Variants in FAM171A1 observed in about 807,000 individuals in gnomAD.
FAM171A1 encodes protein FAM171A1.
A neutral mutation model predicts 74.9 loss-of-function variants in FAM171A1; 23 were observed. That is an observed-to-expected ratio of 0.31 (90% CI 0.22 to 0.44). FAM171A1 has a LOEUF of 0.44. FAM171A1 is among the 20% of genes least tolerant of loss of function. The pLI is 1.00. For synonymous variants in FAM171A1, 527 were observed against 505.7 expected (o/e 1.04, Z -0.57); for missense variants, 1,162 against 1,159.2 (o/e 1.00, Z -0.03).
At chr10:15,331,598 G>C (rs1258666882) in intron 1 of FAM171A1, among the ~76,000 whole-genome samples, 1 of 151,708 alleles carries the variant, frequency 6.6e-6, no homozygotes, top group Non-Finnish European at 1.5e-5. Flanking sequence ...CTTAGCTCTA[G>C]AAATACTCTT....
At chr10:15,299,771 G>A (rs1038067365) in intron 1 of FAM171A1, among the ~76,000 whole-genome samples, 13 of 152,032 alleles carry the variant, frequency 8.6e-5, no homozygotes, top group African/African-American at 3.1e-4. Context: ...GAGGTCAGGA[G>A]ATTGAGACCA....
At chr10:15,328,871 C>G (rs1224748949) in intron 1 of FAM171A1, among the ~76,000 whole-genome samples, 1 of 152,168 alleles carries the variant, frequency 6.6e-6, no homozygotes, top group Non-Finnish European at 1.5e-5. Context: ...GTATGGACAT[C>G]AGAAACCTCG....
At chr10:15,275,804 A>G in intron 3 of FAM171A1, 51 bp downstream of exon 3, 1 of 1,215,462 alleles carries the variant, frequency 8.2e-7, no homozygotes, top group Non-Finnish European at 1.2e-6. Context: ...TGTATACAAT[A>G]ATGTATCCAT....
Position 15,230,813 on chromosome 10 carries a change from TGA to T in FAM171A1, c.755-9755_755-9754del, listed in dbSNP as rs1246666687. Among the ~76,000 whole-genome samples, 6 of 152,360 alleles carry T rather than the reference TGA, an allele frequency of 3.9e-5. No individual in the cohort carries two copies. The South Asian group carries it at 6.2e-4, about 16-fold the overall frequency. On this transcript the variant is annotated intron_variant, in intron 5 of 7. Transcript: ENST00000378116. ...ACATAATAGCATTAATAAAATTTAA[TGA>T]GAGACTTCTGAATTTACAATAGATA...
At chr10:15,339,968 T>C (rs976330531) in intron 1 of FAM171A1, among the ~76,000 whole-genome samples, 1 of 152,160 alleles carries the variant, frequency 6.6e-6, no homozygotes, top group African/African-American at 2.4e-5. Context: ...GTGAGACTTA[T>C]GCACTATCAT....
chr10:15,294,422 C>T (rs941353735), intron 1 of FAM171A1, among the ~76,000 whole-genome samples: 2 of 152,206 alleles, frequency 1.3e-5, no homozygotes, highest in South Asian at 2.1e-4. Context: ...TACACACTCT[C>T]ATCCATGAAT....
chr10:15,361,862 A>T (rs970913890), intron 1 of FAM171A1, among the ~76,000 whole-genome samples: 28 of 152,338 alleles, frequency 1.8e-4, no homozygotes, highest in Middle Eastern at 3.4e-3. Context: ...ATCTAAGAAA[A>T]TAAAAATGTT....
intron 6 of FAM171A1, among the ~76,000 whole-genome samples, chr10:15,216,440 T>C (rs1181494513): frequency 6.6e-6 from 1 of 152,136 alleles, no homozygotes; most frequent in Non-Finnish European, 1.5e-5. Context: ...TTTAATTTTT[T>C]TTTTTTTTGA....
chr10:15,286,581 C>T (rs1292711776), intron 1 of FAM171A1, among the ~76,000 whole-genome samples: 1 of 152,128 alleles, frequency 6.6e-6, no homozygotes, highest in Admixed American at 6.5e-5. Flanking sequence ...CGCGCCTGGC[C>T]TGAGTATTAA....
chr10:15,324,998 C>A (rs1013125752), intron 1 of FAM171A1, among the ~76,000 whole-genome samples: 1 of 152,134 alleles, frequency 6.6e-6, no homozygotes, highest in Non-Finnish European at 1.5e-5. Flanking sequence ...ACAAGACTTG[C>A]GAAAAGCTAG....
intron 1 of FAM171A1, among the ~76,000 whole-genome samples, chr10:15,353,866 G>T (rs1159367952): frequency 6.6e-6 from 1 of 152,044 alleles, no homozygotes; most frequent in Non-Finnish European, 1.5e-5. Flanking sequence ...TAAAGGGAGG[G>T]ACCTGACTCC....
chr10:15,332,020 G>A (rs1835645207), intron 1 of FAM171A1, among the ~76,000 whole-genome samples: 1 of 151,558 alleles, frequency 6.6e-6, no homozygotes, highest in Non-Finnish European at 1.5e-5. Flanking sequence ...CGCGATCTTG[G>A]CTCACTGCAA....
chr10:15,350,547 T>C (rs1835865538), intron 1 of FAM171A1, among the ~76,000 whole-genome samples: 1 of 151,560 alleles, frequency 6.6e-6, no homozygotes, highest in African/African-American at 2.4e-5. Context: ...TTCACTGTGT[T>C]AGCCAGGATG....
At chr10:15,345,874 C>T (rs1190737816) in intron 1 of FAM171A1, among the ~76,000 whole-genome samples, 1 of 152,174 alleles carries the variant, frequency 6.6e-6, no homozygotes, top group Admixed American at 6.5e-5. Context: ...GGACAGACTC[C>T]TGGGGTGACG....
intron 1 of FAM171A1, among the ~76,000 whole-genome samples, chr10:15,357,784 A>T (rs548395078): frequency 1.3e-5 from 2 of 152,352 alleles, no homozygotes; most frequent in Non-Finnish European, 2.9e-5. Context: ...TAAGGCAAGC[A>T]TAATAAAATG....
chr10:15,348,169 G>C (rs968643715), intron 1 of FAM171A1, among the ~76,000 whole-genome samples: 1 of 152,046 alleles, frequency 6.6e-6, no homozygotes, highest in Admixed American at 6.6e-5. Context: ...AGTAGAGATG[G>C]GGTTTCACCA....
At position 15,220,965 on chromosome 10, in the gene FAM171A1, C is replaced by G; in HGVS notation, c.850G>C (p.Ala284Pro). 6.2e-7 allele frequency: 1 copy of G among 1,613,458 alleles called. No homozygotes were observed. The highest frequency in any genetic ancestry group is 8.5e-7 in the Non-Finnish European group (1 of 1,179,678). ...TTACCTGGGATGGGAGGGGACATGG[C>G]GGCCACCCAGTACCCCAACTGGGGG... ...IAPQLGYWVA[A>P]MSPPIPGPVV... Residue 284 changes from alanine to proline, a missense_variant, in exon 6 of 8, where the codon GCC becomes CCC. Physicochemically the swap from Ala to Pro is conservative, Grantham distance 27. Coordinates refer to ENST00000378116, the MANE Select transcript of FAM171A1 (RefSeq NM_001010924.2).
intron 5 of FAM171A1, among the ~76,000 whole-genome samples, chr10:15,242,630 C>A (rs1834376976): frequency 6.6e-6 from 1 of 152,096 alleles, no homozygotes; most frequent in Admixed American, 6.6e-5. Flanking sequence ...GGAAAATAAA[C>A]AATAAAACAA....
intron 3 of FAM171A1, among the ~76,000 whole-genome samples, chr10:15,268,310 TA>T (rs200332704): frequency 0.013 from 1,978 of 152,270 alleles, 30 homozygotes; most frequent in Non-Finnish European, 0.02. Context: ...TGAAATGGGA[TA>T]ACCCGTTAAA....
Sources: gnomAD v4.1 joint callset for allele counts (sites outside exome capture counted in the v4.1 genomes callset) on GRCh38, gnomAD v4.1.1 for gene constraint, MANE v1.5 for transcripts, NCBI Gene and HGNC (gene_info 2026-07-23, HGNC 2026-07-21) for gene names.